The following CPAMD8 variants were observed in gnomAD, a reference collection of about 807,000 sequenced individuals.
CPAMD8 encodes the protein C3 and PZP-like alpha-2-macroglobulin domain-containing protein 8.
Under a neutral mutation model 224.7 loss-of-function variants are expected in CPAMD8, and 146 were observed. That is an observed-to-expected ratio of 0.65 (90% CI 0.57 to 0.75). The LOEUF is 0.75. Among genes scored for constraint, CPAMD8 ranks in the 30% least tolerant of loss-of-function variants. The pLI, the probability that CPAMD8 is intolerant of heterozygous loss-of-function variation, is 0.00. For missense variants in CPAMD8, 2,301 were observed against 2,537.5 expected (o/e 0.91, Z 2.00); for synonymous variants, 966 against 1,044.6 (o/e 0.92, Z 1.45).
intron 35 of CPAMD8, 52 bp from the exon 36 acceptor site, chr19:16,901,349 G>T: frequency 8.1e-7 from 1 of 1,228,016 alleles, no homozygotes; most frequent in Non-Finnish European, 1.2e-6. Flanking sequence ...CCCAGAGGTG[G>T]AATTCAAGGT....
chr19:16,992,197 C>T (rs777458368), intron 12 of CPAMD8, among the ~76,000 whole-genome samples: 2 of 152,180 alleles, frequency 1.3e-5, no homozygotes, highest in Admixed American at 6.6e-5. Context: ...TCAAGAGCTC[C>T]AGTTTGGAGA....
At chr19:16,926,312 T>A (rs2053357867) in intron 25 of CPAMD8, among the ~76,000 whole-genome samples, 1 of 151,328 alleles carries the variant, frequency 6.6e-6, no homozygotes, top group Non-Finnish European at 1.5e-5. Flanking sequence ...TTCTTTATTT[T>A]ATTTTATTTT....
rs1336818758 is a variant in CPAMD8 at position 16,976,040 on chromosome 19, A to G, written c.1870T>C (p.Tyr624His). 1.9e-6 allele frequency: 3 copies of G among 1,609,206 alleles called. No individual in the cohort carries two copies. Among genetic ancestry groups the G allele is most frequent in the East Asian group, 2.2e-5 (1 of 44,672 alleles). Reference sequence around the variant, plus strand: ...AGCCGGAACCCAGACCTGAGCAGGTAGACACTCTTATCAACTGCGGCGACG... The same window carrying G: ...AGCCGGAACCCAGACCTGAGCAGGTGGACACTCTTATCAACTGCGGCGACG... The part of the protein sequence containing the change: ...VCVAAVDKSV[Y>H]LLRSGFRLTP... The change falls in exon 16 of 42, where the codon TAC becomes CAC. Residue 624 changes from tyrosine (Y) to histidine (H), a missense_variant. Transcript: ENST00000443236.
intron 19 of CPAMD8, among the ~76,000 whole-genome samples, chr19:16,953,753 AAT>A (rs372800116): frequency 6.6e-6 from 1 of 152,112 alleles, no homozygotes; most frequent in Non-Finnish European, 1.5e-5. Flanking sequence ...TAATATCCAG[AAT>A]ATATAGAGAA....
intron 13 of CPAMD8, among the ~76,000 whole-genome samples, chr19:16,989,375 C>T (rs1422346580): frequency 3.3e-5 from 5 of 152,060 alleles, no homozygotes; most frequent in Non-Finnish European, 7.4e-5. Context: ...CAACCTCTGC[C>T]TCCCGGGTTC....
chr19:16,987,282 G>A (rs2055778983), intron 13 of CPAMD8, among the ~76,000 whole-genome samples: 1 of 140,296 alleles, frequency 7.1e-6, no homozygotes, highest in Non-Finnish European at 1.5e-5. Flanking sequence ...CATATATACA[G>A]TTGACCCTTG....
In CPAMD8 at chr19:16,971,003, C is replaced by A. The variant is rs768099937; in HGVS notation, c.2101G>T (p.Val701Leu). 1 of 1,611,914 alleles carries A rather than the reference C, an allele frequency of 6.2e-7. No homozygotes were observed. ...CCGTCCTGCCGGTGGTTCAGGCTCA[C>A]TCGGTCGGTCATCACCACCAGTCCC... ...ETGLVVMTDR[V>L]SLNHRQDGGL... Residue 701 changes from valine (V) to leucine (L), a missense_variant, in exon 18 of 42, where the codon GTG becomes TTG. This residue lies in a region of CPAMD8 where 1,709 missense variants were observed against 1,753.2 expected (regional missense o/e 0.97). Coordinates refer to ENST00000443236, the MANE Select transcript of CPAMD8 (RefSeq NM_015692.5).
intron 30 of CPAMD8, among the ~76,000 whole-genome samples, chr19:16,905,569 G>GAAAAAAA (rs397955787): frequency 2.7e-3 from 249 of 92,248 alleles, no homozygotes; most frequent in South Asian, 5.3e-3. Context: ...AGGAAGAAAA[G>GAAAAAAA]AAAAAAAAAA....
At chr19:17,021,002 G>C (rs552307266) in intron 2 of CPAMD8, among the ~76,000 whole-genome samples, 2 of 152,178 alleles carry the variant, frequency 1.3e-5, no homozygotes, top group African/African-American at 4.8e-5. Flanking sequence ...TGGTCACAGT[G>C]ATTGGTTCAG....
chr19:16,910,173 C>T (rs1459091243), intron 29 of CPAMD8, among the ~76,000 whole-genome samples: 1 of 142,782 alleles, frequency 7.0e-6, no homozygotes, highest in Admixed American at 7.1e-5. Flanking sequence ...GAACCTTTAA[C>T]TTTTTTTTTT....
chr19:16,933,535 G>A (rs59238229), intron 23 of CPAMD8, among the ~76,000 whole-genome samples: 7,500 of 151,942 alleles, frequency 0.049, 628 homozygotes, highest in African/African-American at 0.17. Context: ...TGGAACAGAC[G>A]TTTTTCCACA....
In CPAMD8 at chr19:16,903,631, CAG is replaced by C. The variant is rs764776711; in HGVS notation, c.4408-10_4408-9del. ...CGTGGGGAGGCTGGGGATCTGGAGA[CAG>C]AAGTCACCGTGAGGCCCTGCTGACC... On this transcript the variant is annotated splice_polypyrimidine_tract_variant and intron_variant, in intron 33 of 41. Transcript: ENST00000443236. The C allele has an allele frequency of 1.2e-5, 20 of 1,613,988 alleles. No homozygotes were observed. The African/African-American group carries it at 2.0e-4, about 16-fold the overall frequency.
intron 3 of CPAMD8, among the ~76,000 whole-genome samples, chr19:17,019,971 C>CTTTTTTTT (rs569150151): frequency 2.6e-4 from 25 of 97,876 alleles, no homozygotes; most frequent in African/African-American, 4.0e-4. Flanking sequence ...TTTTTCTTTT[C>CTTTTTTTT]TTTTTTTTTT....
Position 16,988,642 on chromosome 19 carries a change from A to C in CPAMD8, c.1395+1001T>G, listed in dbSNP as rs554519687. Among the ~76,000 whole-genome samples, 3 of 152,050 alleles carry C rather than the reference A, an allele frequency of 2.0e-5. No individual in the cohort carries two copies. The South Asian group carries it at 6.2e-4, about 32-fold the overall frequency. Reference sequence around the variant, plus strand: ...AAACAAAAAAAAAAAGAAAGAAAAGAAACAAATAGTAATGCATGCATGCAT... The same window carrying C: ...AAACAAAAAAAAAAAGAAAGAAAAGCAACAAATAGTAATGCATGCATGCAT... On this transcript the variant is annotated intron_variant, in intron 13 of 41. Transcript: ENST00000443236.
At chr19:16,942,399 T>A (rs1258839769) in intron 22 of CPAMD8, among the ~76,000 whole-genome samples, 1 of 151,796 alleles carries the variant, frequency 6.6e-6, no homozygotes, top group Non-Finnish European at 1.5e-5. Context: ...GAGGTGGAGG[T>A]TGCAGTGAGC....
intron 13 of CPAMD8, among the ~76,000 whole-genome samples, chr19:16,987,004 A>C (rs962206504): frequency 1.3e-5 from 2 of 151,006 alleles, no homozygotes; most frequent in African/African-American, 4.9e-5. Context: ...AAAAATACAA[A>C]AATAATTAGC....
chr19:16,929,530 C>T (rs138086877), intron 23 of CPAMD8, among the ~76,000 whole-genome samples: 227 of 152,228 alleles, frequency 1.5e-3, no homozygotes, highest in African/African-American at 4.9e-3. Flanking sequence ...CATAGCAAGA[C>T]TCTTATCTCT....
chr19:16,974,282 C>A (rs8108498), intron 17 of CPAMD8, among the ~76,000 whole-genome samples: 49,180 of 151,610 alleles, frequency 0.32, 9,987 homozygotes, highest in African/African-American at 0.58. Context: ...CAGGCGCCCC[C>A]TTAGCCCTTT....
chr19:16,921,939 C>A lies in CPAMD8; in HGVS notation c.3595G>T (p.Ala1199Ser), dbSNP rs1413815827. 1.9e-6 allele frequency: 3 copies of A among 1,547,408 alleles called. No individual in the cohort carries two copies. The highest frequency in any genetic ancestry group is 2.6e-6 in the Non-Finnish European group (3 of 1,146,784). ...TYKRQDGSYS[A>S]FGERDASGSM... The stretch of plus-strand genomic sequence containing the variant: ...CCCGATGCGTCCCGCTCCCCAAACG[C>A]GCTGTAGGAGCCATCCTGGCGCTTG... The change falls in exon 27 of 42, where the codon GCG (alanine) becomes TCG (serine). Residue 1199 changes from alanine (A) to serine (S), a missense_variant. Coordinates refer to ENST00000443236, the MANE Select transcript of CPAMD8 (RefSeq NM_015692.5).
Sources: allele counts gnomAD v4.1 joint callset (sites outside exome capture counted in the v4.1 genomes callset), GRCh38; gene constraint gnomAD v4.1.1; regional missense constraint gnomAD v4.1.1; transcripts MANE v1.5; gene names NCBI Gene and HGNC (gene_info 2026-07-23, HGNC 2026-07-21).